Variants in SRD5A2 observed in about 807,000 individuals in gnomAD.
SRD5A2 encodes the protein steroid 5 alpha-reductase 2.
Under a neutral mutation model 27.4 loss-of-function variants are expected in SRD5A2, and 30 were observed. The ratio of observed to expected loss-of-function variants is 1.10; its 90% CI spans 0.82 to 1.49. The LOEUF (loss-of-function observed/expected upper bound fraction) is 1.49. Ranked by LOEUF, SRD5A2 falls within the 40% of genes most tolerant of loss-of-function variation. SRD5A2 has a pLI of 0.00. For missense variants in SRD5A2, 348 were observed against 323.4 expected (o/e 1.08, Z -0.58); for synonymous variants, 141 against 133.6 (o/e 1.06, Z -0.38).
the SRD5A2 span, among the ~76,000 whole-genome samples, chr2:31,597,647 G>A: frequency 1.3e-5 from 2 of 152,060 alleles, no homozygotes; most frequent in Non-Finnish European, 2.9e-5. Flanking sequence ...CTAAGGACAT[G>A]ATTAGACAAT....
chr2:31,580,064 G>A (rs1328704848), intron 1 of SRD5A2, among the ~76,000 whole-genome samples: 1 of 152,042 alleles, frequency 6.6e-6, no homozygotes, highest in African/African-American at 2.4e-5. Context: ...TCTGGATTTG[G>A]GCTCTACCCA....
chr2:31,524,222 C>A lies in SRD5A2; in HGVS notation c.*1974G>T, dbSNP rs1313784607. ...GTAGTTTTCAATGTCATGGAGAGAACTGGAAGTCTTTTATGTCACAGAGCT... is the reference window on the plus strand; with the variant it reads ...GTAGTTTTCAATGTCATGGAGAGAAATGGAAGTCTTTTATGTCACAGAGCT... On this transcript the variant is annotated 3_prime_UTR_variant, in exon 5 of 5. Coordinates refer to ENST00000622030, the MANE Select transcript of SRD5A2 (RefSeq NM_000348.4). 3 of 225,870 alleles carry A rather than the reference C, an allele frequency of 1.3e-5. No individual in the cohort carries two copies. The highest frequency in any genetic ancestry group is 2.6e-5 in the Non-Finnish European group (3 of 113,454). 14.0% of individuals were successfully genotyped at this position (225,870 alleles called of 1,614,324 possible).
chr2:31,582,098 A>G (rs1572376112), upstream of SRD5A2, among the ~76,000 whole-genome samples: 1 of 151,436 alleles, frequency 6.6e-6, no homozygotes, highest in East Asian at 1.9e-4. Flanking sequence ...TTCCTGTCCC[A>G]TCTCCCTTGA....
At chr2:31,597,130 T>C in the SRD5A2 span, among the ~76,000 whole-genome samples, 19 of 152,186 alleles carry the variant, frequency 1.2e-4, no homozygotes, top group African/African-American at 4.3e-4. Flanking sequence ...AACAGACACA[T>C]AGACCAATGG....
the SRD5A2 span, among the ~76,000 whole-genome samples, chr2:31,661,047 T>C: frequency 6.6e-6 from 1 of 152,114 alleles, no homozygotes. Context: ...TAGCCACCTG[T>C]TAACTAAACC....
At chr2:31,648,260 A>C in the SRD5A2 span, among the ~76,000 whole-genome samples, 1 of 152,244 alleles carries the variant, frequency 6.6e-6, no homozygotes, top group African/African-American at 2.4e-5. Flanking sequence ...TAAAATACTC[A>C]TTTTGGGAAC....
chr2:31,654,880 T>C, the SRD5A2 span, among the ~76,000 whole-genome samples: 1 of 152,146 alleles, frequency 6.6e-6, no homozygotes, highest in African/African-American at 2.4e-5. Flanking sequence ...TGCTACAGGG[T>C]AACCTTGTCT....
chr2:31,615,892 C>T, the SRD5A2 span, among the ~76,000 whole-genome samples: 1 of 152,192 alleles, frequency 6.6e-6, no homozygotes, highest in African/African-American at 2.4e-5. Context: ...GTCCTGCATC[C>T]CAAATGCTCT....
chr2:31,632,993 A>C, the SRD5A2 span, among the ~76,000 whole-genome samples: 2 of 152,124 alleles, frequency 1.3e-5, no homozygotes, highest in African/African-American at 2.4e-5. Context: ...TTGGCTGTAC[A>C]TGCCACCTAA....
the SRD5A2 span, among the ~76,000 whole-genome samples, chr2:31,659,207 A>C: frequency 1.3e-5 from 2 of 152,190 alleles, no homozygotes; most frequent in African/African-American, 2.4e-5. Flanking sequence ...CATCTATGAT[A>C]AACCCACAGC....
At chr2:31,534,532 C>A (rs963838721) in intron 1 of SRD5A2, among the ~76,000 whole-genome samples, 27 of 152,164 alleles carry the variant, frequency 1.8e-4, no homozygotes, top group African/African-American at 6.5e-4. Context: ...GATCTTGAAG[C>A]TTTGAAAACT....
chr2:31,566,342 A>C lies in SRD5A2; in HGVS notation c.281+14278T>G, dbSNP rs578111326. ...AAAATTCAAAGTAAGCATAAGAAAA[A>C]ACATAATAAAGATCAAAACAGAAAA... On this transcript the variant is annotated intron_variant, in intron 1 of 4. Transcript: ENST00000622030. Among the ~76,000 whole-genome samples, 3 of 152,236 alleles carry C rather than the reference A, an allele frequency of 2.0e-5. No homozygotes were observed. In the South Asian group the frequency reaches 6.2e-4, roughly 32 times the overall value.
chr2:31,657,617 A>G, the SRD5A2 span, among the ~76,000 whole-genome samples: 3 of 152,204 alleles, frequency 2.0e-5, no homozygotes, highest in South Asian at 6.2e-4. Context: ...CCCGAATAAT[A>G]AAAAACTAAT....
intron 1 of SRD5A2, among the ~76,000 whole-genome samples, chr2:31,571,064 G>A (rs563064476): frequency 3.3e-5 from 5 of 151,934 alleles, no homozygotes; most frequent in Non-Finnish European, 7.4e-5. Context: ...GGGATAACCA[G>A]GCAATCCTAA....
chr2:31,567,996 T>C (rs1486913446), intron 1 of SRD5A2, among the ~76,000 whole-genome samples: 4 of 152,128 alleles, frequency 2.6e-5, no homozygotes, highest in Admixed American at 2.0e-4. Context: ...GGCACACTGG[T>C]TGCTGGGCAA....
the SRD5A2 span, among the ~76,000 whole-genome samples, chr2:31,633,143 T>C: frequency 3.9e-5 from 6 of 152,142 alleles, no homozygotes; most frequent in African/African-American, 1.4e-4. Flanking sequence ...ACCCCTAATA[T>C]GGGGTAATCC....
chr2:31,649,879 A>G, the SRD5A2 span, among the ~76,000 whole-genome samples: 1 of 152,264 alleles, frequency 6.6e-6, no homozygotes. Context: ...TATTATTATA[A>G]CATCCAAAGT....
intron 1 of SRD5A2, among the ~76,000 whole-genome samples, chr2:31,567,338 T>C (rs1332060806): frequency 2.0e-5 from 3 of 152,042 alleles, no homozygotes; most frequent in Admixed American, 6.6e-5. Flanking sequence ...GGGCCACATA[T>C]ACATATAATT....
chr2:31,544,092 CA>C lies in SRD5A2; in HGVS notation c.282-10327del, dbSNP rs1289512603. Among the ~76,000 whole-genome samples the C allele has an allele frequency of 4.0e-5, 6 of 151,300 alleles. No individual in the cohort carries two copies. The South Asian group carries it at 6.3e-4, about 16-fold the overall frequency. On this transcript the variant is annotated intron_variant, in intron 1 of 4. Coordinates refer to ENST00000622030, the MANE Select transcript of SRD5A2 (RefSeq NM_000348.4). ...TTTTTTTAAAAATGGTTACAAGAAA[CA>C]AAAAAAGTACTTAATCTTAAAAGGT...
Sources: allele counts gnomAD v4.1 joint callset (sites outside exome capture counted in the v4.1 genomes callset), GRCh38; gene constraint gnomAD v4.1.1; transcripts MANE v1.5; gene names NCBI Gene and HGNC (gene_info 2026-07-23, HGNC 2026-07-21).